The following ZNF326 variants were observed in gnomAD, a reference collection of about 807,000 sequenced individuals.
ZNF326 encodes the protein zinc finger protein 326.
ZNF326 carries 30 observed loss-of-function variants against 63.1 expected under a neutral mutation model. The observed-to-expected ratio is 0.48, with a 90% CI of 0.36 to 0.64. The LOEUF (loss-of-function observed/expected upper bound fraction) is 0.64, where lower values mean the gene tolerates loss of function less well. Among genes scored for constraint, ZNF326 ranks in the 30% least tolerant of loss-of-function variants. The pLI is 0.00. For missense variants in ZNF326, 609 were observed against 720.3 expected, an observed-to-expected ratio of 0.85 and a Z score of 1.77; for synonymous variants, 194 against 228.2, an observed-to-expected ratio of 0.85 and a Z score of 1.35.
intron 7 of ZNF326, 63 bp from the exon 8 acceptor site, chr1:90,017,251 ATTC>A: frequency 8.8e-7 from 1 of 1,136,654 alleles, no homozygotes; most frequent in Non-Finnish European, 1.2e-6. Context: ...TCAATGTTAT[ATTC>A]TTATGAACTC....
intron 6 of ZNF326, 21 bp from the exon 7 acceptor site, chr1:90,013,105 C>CT: frequency 3.8e-6 from 6 of 1,587,966 alleles, no homozygotes; most frequent in Admixed American, 1.8e-5. Flanking sequence ...TTAGCTTTTA[C>CT]TTTTTTGTGT....
chr1:90,005,845 G>A (rs551257546), intron 4 of ZNF326: 2 of 985,416 alleles, frequency 2.0e-6, no homozygotes, highest in East Asian at 1.1e-4. Flanking sequence ...TAGGCTAGAA[G>A]CATTGTATTA....
intron 1 of ZNF326, 120 bp downstream of exon 1, chr1:89,995,393 C>A: frequency 7.6e-7 from 1 of 1,309,072 alleles, no homozygotes; most frequent in Non-Finnish European, 1.0e-6. Flanking sequence ...CGGAGGCCGC[C>A]CGCCCGCCCC....
chr1:90,025,814 TTGA>T lies in ZNF326; in HGVS notation c.1402-1535_1402-1533del, dbSNP rs746391856. Among the ~76,000 whole-genome samples the T allele has an allele frequency of 8.5e-5, 13 of 152,310 alleles. 1 individual carries two copies. The highest frequency in any genetic ancestry group is 2.0e-4 in the Admixed American group (3 of 15,308). On this transcript the variant is annotated intron_variant, in intron 11 of 11. Transcript: ENST00000340281. Reference sequence around the variant, plus strand: ...AATCCTCAAGAACCCCCATTCTGTATTGATGATTAACTCTAGTGACCTTTTTCA... The same window carrying T: ...AATCCTCAAGAACCCCCATTCTGTATTGATTAACTCTAGTGACCTTTTTCA...
chr1:90,007,736 G>T lies in ZNF326; in HGVS notation c.601G>T (p.Gly201Cys). 6.6e-7 allele frequency: 1 copy of T among 1,507,990 alleles called. No individual in the cohort carries two copies. The highest frequency in any genetic ancestry group is 8.9e-7 in the Non-Finnish European group (1 of 1,128,334). The allele number at this position is 1,507,990 out of a possible 1,614,324, so 93.4% of individuals were successfully genotyped here. Residue 201 changes from glycine to cysteine, a missense_variant, in exon 5 of 12, where the codon GGC (glycine) becomes TGC (cysteine). Physicochemically the swap from Gly to Cys is radical, Grantham distance 159. This residue lies in a region of ZNF326 where 113 missense variants were observed against 187.4 expected (regional missense o/e 0.60). Coordinates refer to ENST00000340281, the MANE Select transcript of ZNF326 (RefSeq NM_182976.4). The surrounding 1 kb of genome is among the most constrained non-coding windows in gnomAD (Gnocchi z 4.9). ...TTTTGGAGGACCATCAACAGGCAGA[G>T]GCCGAGGCCGAGGAGTAAGTACAAC... ...DAFGGPSTGR[G>C]RGRGHMGDFG...
chr1:90,002,515 T>C (rs1378830386), intron 2 of ZNF326, among the ~76,000 whole-genome samples: 1 of 152,218 alleles, frequency 6.6e-6, no homozygotes, highest in East Asian at 1.9e-4. Flanking sequence ...GAAAACTTTA[T>C]TTTAATCTCA....
intron 1 of ZNF326, among the ~76,000 whole-genome samples, chr1:89,997,340 A>G (rs1648428536): frequency 6.6e-6 from 1 of 152,132 alleles, no homozygotes; most frequent in Non-Finnish European, 1.5e-5. Context: ...ACAGTCATAT[A>G]TGTATATGCA....
intron 8 of ZNF326, among the ~76,000 whole-genome samples, chr1:90,017,792 T>C (rs1649572142): frequency 6.6e-6 from 1 of 152,210 alleles, no homozygotes; most frequent in South Asian, 2.1e-4. Flanking sequence ...CCTGTAACAA[T>C]TCATTTTTAT....
chr1:90,010,387 TA>T (rs1649180097), intron 6 of ZNF326, 101 bp downstream of exon 6: 1 of 1,237,610 alleles, frequency 8.1e-7, no homozygotes, highest in Non-Finnish European at 1.1e-6. Flanking sequence ...AGAAACTACA[TA>T]ACAATTATGA....
chr1:90,004,187 GTTTTT>G (rs1013299456), intron 2 of ZNF326, among the ~76,000 whole-genome samples: 1 of 143,996 alleles, frequency 6.9e-6, no homozygotes, highest in African/African-American at 2.5e-5. Context: ...TATTGTATTA[GTTTTT>G]TTTTTTTAGT....
intron 6 of ZNF326, among the ~76,000 whole-genome samples, chr1:90,011,410 G>T (rs1223656038): frequency 6.6e-6 from 1 of 151,064 alleles, no homozygotes; most frequent in East Asian, 1.9e-4. Flanking sequence ...ATGAAAGGAA[G>T]ATTAAATTAC....
At chr1:89,998,730 T>C (rs1648522006) in intron 2 of ZNF326, among the ~76,000 whole-genome samples, 1 of 152,128 alleles carries the variant, frequency 6.6e-6, no homozygotes, top group Non-Finnish European at 1.5e-5. Flanking sequence ...ATTTTGATAG[T>C]TATTAGAGTT....
chr1:90,022,963 A>T lies in ZNF326; in HGVS notation c.1401+618A>T, dbSNP rs185655201. Among the ~76,000 whole-genome samples the T allele has an allele frequency of 1.4e-4, 21 of 152,014 alleles. No homozygotes were observed. The East Asian group carries it at 3.3e-3, about 24-fold the overall frequency. On this transcript the variant is annotated intron_variant, in intron 11 of 11. Transcript: ENST00000340281. ...ATGTTTCTCCAGAAGAAGGAATCTC[A>T]TGGAATTTGGCGGGCGGGAGAAGAG...
chr1:90,022,142 A>G (rs1409135049), intron 10 of ZNF326, 108 bp from the exon 11 acceptor site: 2 of 774,142 alleles, frequency 2.6e-6, no homozygotes, highest in East Asian at 2.5e-5. Flanking sequence ...TTGTAAGAAG[A>G]TAAGTCATTT....
In ZNF326 at chr1:90,010,098, A is replaced by AT; in HGVS notation, c.630dup (p.Gly211TrpfsTer5). The AT allele has an allele frequency of 6.2e-7, 1 of 1,613,738 alleles. No homozygotes were observed. The highest frequency in any genetic ancestry group is 1.7e-5 in the Admixed American group (1 of 60,016). ...TTCACAAATTTACAGCATATGGGTG[A>AT]TTTTGGAAGCATTCATAGACCCGGA... On this transcript the variant is annotated frameshift_variant, in exon 6 of 12. Coordinates refer to ENST00000340281, the MANE Select transcript of ZNF326 (RefSeq NM_182976.4). LOFTEE classifies it high-confidence loss of function.
intron 8 of ZNF326, among the ~76,000 whole-genome samples, chr1:90,018,217 G>A (rs1271194242): frequency 7.9e-5 from 12 of 151,674 alleles, no homozygotes; most frequent in African/African-American, 1.2e-4. Flanking sequence ...GCTTAAACCC[G>A]GGAGGCAGAG....
intron 1 of ZNF326, 132 bp downstream of exon 1, chr1:89,995,405 G>T: frequency 8.0e-7 from 1 of 1,248,018 alleles, no homozygotes; most frequent in Non-Finnish European, 1.1e-6. Flanking sequence ...GCCCGCCCCG[G>T]GCCCAGCGCC....
chr1:90,004,048 ATGTT>A (rs1363726905), intron 2 of ZNF326, among the ~76,000 whole-genome samples: 1 of 152,154 alleles, frequency 6.6e-6, no homozygotes, highest in East Asian at 1.9e-4. Context: ...CAAATTCTAA[ATGTT>A]TGTTTTACTT....
intron 2 of ZNF326, among the ~76,000 whole-genome samples, chr1:90,000,148 AG>A (rs1340440450): frequency 6.6e-6 from 1 of 152,220 alleles, no homozygotes; most frequent in Non-Finnish European, 1.5e-5. Context: ...AAGATGAGTG[AG>A]TATGCAAGCC....
Sources: gnomAD v4.1 joint callset for allele counts (sites outside exome capture counted in the v4.1 genomes callset) on GRCh38, gnomAD v4.1.1 for gene constraint, gnomAD v4.1.1 regional missense constraint, Gnocchi (gnomAD v3.1) non-coding constraint, MANE v1.5 for transcripts, NCBI Gene and HGNC (gene_info 2026-07-23, HGNC 2026-07-21) for gene names.